SORCS2: variants seen among roughly 807,000 people sequenced by gnomAD.
SORCS2 encodes sortilin related VPS10 domain containing receptor 2, also known as VPS10 domain-containing receptor SorCS2.
SORCS2 carries 100 observed loss-of-function variants against 141.6 expected under a neutral mutation model. The observed-to-expected ratio is 0.71, with a 90% confidence interval of 0.60 to 0.83. SORCS2 has a LOEUF of 0.83. SORCS2 is among the 40% of genes least tolerant of loss of function. The probability of loss-of-function intolerance (pLI) is 0.00; values close to 1 mark genes in which losing one functional copy is unlikely to be tolerated. For synonymous variants in SORCS2, 789 were observed against 676.9 expected, an observed-to-expected ratio of 1.17 and a Z score of -2.57; for missense variants, 1,646 against 1,560.2, an observed-to-expected ratio of 1.05 and a Z score of -0.93.
chr4:7,205,330 G>C (rs1210407943), intron 1 of SORCS2, among the ~76,000 whole-genome samples: 1 of 152,216 alleles, frequency 6.6e-6, no homozygotes, highest in Non-Finnish European at 1.5e-5. Flanking sequence ...TCCTGGAGAA[G>C]CTGATGAAAC....
intron 18 of SORCS2, among the ~76,000 whole-genome samples, chr4:7,720,393 G>A (rs915973192): frequency 1.4e-4 from 22 of 152,036 alleles, no homozygotes; most frequent in African/African-American, 4.8e-4. Context: ...TTTAAATGTC[G>A]CATGTAAAAA....
chr4:7,422,370 C>G (rs547694040), intron 2 of SORCS2, among the ~76,000 whole-genome samples: 57 of 152,304 alleles, frequency 3.7e-4, no homozygotes, highest in Non-Finnish European at 1.2e-4. Flanking sequence ...ATGCCCTGCC[C>G]GCTTCTACAG....
intron 1 of SORCS2, among the ~76,000 whole-genome samples, chr4:7,216,194 C>A (rs531323185): frequency 6.6e-6 from 1 of 152,114 alleles, no homozygotes; most frequent in African/African-American, 2.4e-5. Flanking sequence ...CAAAGGTCTG[C>A]GGCTTCATTC....
In SORCS2 at chr4:7,737,020, G is replaced by T. The variant is rs1296687423; in HGVS notation, c.3312-49G>T. ...CCAGCGGAAGGCTCCAGGGACAGGC[G>T]GCCTGGGAAGCCCCTCCAAGCTGAG... On this transcript the variant is annotated intron_variant, in intron 25 of 26. Transcript: ENST00000507866. 1.9e-6 allele frequency: 3 copies of T among 1,546,916 alleles called. No individual in the cohort carries two copies. The East Asian group carries it at 7.3e-5, about 38-fold the overall frequency.
At chr4:7,429,877 A>T (rs1726709610) in intron 2 of SORCS2, among the ~76,000 whole-genome samples, 1 of 152,162 alleles carries the variant, frequency 6.6e-6, no homozygotes, top group Non-Finnish European at 1.5e-5. Flanking sequence ...TCTGGGGAAT[A>T]GAATAAGAAT....
chr4:7,504,076 C>CT (rs1205605419), intron 2 of SORCS2, among the ~76,000 whole-genome samples: 3 of 152,224 alleles, frequency 2.0e-5, no homozygotes, highest in Non-Finnish European at 4.4e-5. Flanking sequence ...AGGCCTCACC[C>CT]TGGTCACTCA....
chr4:7,673,329 G>A (rs1303818910), intron 8 of SORCS2, among the ~76,000 whole-genome samples: 4 of 152,210 alleles, frequency 2.6e-5, no homozygotes, highest in Non-Finnish European at 5.9e-5. Context: ...TTATGTCATG[G>A]AAATAACCAG....
intron 16 of SORCS2, 57 bp downstream of exon 16, chr4:7,714,430 C>T: frequency 6.6e-7 from 1 of 1,519,358 alleles, no homozygotes; most frequent in Non-Finnish European, 8.8e-7. Context: ...ATCCTCACAG[C>T]ATGGCGGCCA....
At chr4:7,237,788 C>T (rs1306712519) in intron 1 of SORCS2, among the ~76,000 whole-genome samples, 3 of 151,932 alleles carry the variant, frequency 2.0e-5, no homozygotes, top group Non-Finnish European at 2.9e-5. Context: ...ACAGGCAGAA[C>T]GATGGGCCCA....
intron 3 of SORCS2, among the ~76,000 whole-genome samples, chr4:7,602,215 G>C (rs1400126154): frequency 6.6e-6 from 1 of 151,980 alleles, no homozygotes; most frequent in African/African-American, 2.4e-5. Context: ...CTGCCGGGCA[G>C]AGGGGCCCTC....
At chr4:7,390,814 G>C (rs1723810409) in intron 1 of SORCS2, among the ~76,000 whole-genome samples, 1 of 152,236 alleles carries the variant, frequency 6.6e-6, no homozygotes, top group Admixed American at 6.5e-5. Context: ...AACTCCCAGG[G>C]CATGTTATTA....
intron 1 of SORCS2, among the ~76,000 whole-genome samples, chr4:7,283,281 C>T (rs781314019): frequency 1.5e-4 from 23 of 152,218 alleles, no homozygotes; most frequent in South Asian, 8.3e-4. Flanking sequence ...AGTTTCCCTG[C>T]GGGAGAGGGT....
intron 3 of SORCS2, among the ~76,000 whole-genome samples, chr4:7,539,760 CT>C (rs1169671680): frequency 8.7e-6 from 1 of 115,182 alleles, no homozygotes; most frequent in African/African-American, 2.9e-5. Context: ...CCCATCCCTG[CT>C]GTGAGGGCCC....
At chr4:7,278,170 A>C (rs4689676) in intron 1 of SORCS2, among the ~76,000 whole-genome samples, 1 of 151,934 alleles carries the variant, frequency 6.6e-6, no homozygotes, top group African/African-American at 2.4e-5. Context: ...TGGGCCCAGC[A>C]GGAGCTGTGT....
intron 3 of SORCS2, among the ~76,000 whole-genome samples, chr4:7,591,991 T>C (rs1318028251): frequency 1.3e-5 from 2 of 151,588 alleles, no homozygotes; most frequent in African/African-American, 4.9e-5. Context: ...AGGTTGCAGA[T>C]GAGAAAAAAA....
intron 2 of SORCS2, among the ~76,000 whole-genome samples, chr4:7,472,229 C>G (rs947726443): frequency 8.6e-5 from 13 of 152,036 alleles, no homozygotes; most frequent in Admixed American, 7.9e-4. Context: ...ATGGATGCAT[C>G]GGGATGGAGG....
At chr4:7,440,149 G>A (rs1047584372) in intron 2 of SORCS2, among the ~76,000 whole-genome samples, 2 of 152,152 alleles carry the variant, frequency 1.3e-5, no homozygotes, top group African/African-American at 2.4e-5. Flanking sequence ...TACATGCAAG[G>A]TATTCACATT....
chr4:7,714,819 C>A (rs1726082558), intron 16 of SORCS2, among the ~76,000 whole-genome samples: 1 of 152,196 alleles, frequency 6.6e-6, no homozygotes, highest in African/African-American at 2.4e-5. Context: ...CACCCCTCCT[C>A]ATCATGCCCC....
chr4:7,541,796 C>T (rs1340822835), intron 3 of SORCS2, among the ~76,000 whole-genome samples: 2 of 152,208 alleles, frequency 1.3e-5, no homozygotes, highest in African/African-American at 2.4e-5. Flanking sequence ...ATGCAGCACA[C>T]GGGGCGTGTG....
Sources: gnomAD v4.1 joint callset for allele counts (sites outside exome capture counted in the v4.1 genomes callset) on GRCh38, gnomAD v4.1.1 for gene constraint, MANE v1.5 for transcripts, NCBI Gene and HGNC (gene_info 2026-07-23, HGNC 2026-07-21) for gene names.